DST: variants seen among roughly 807,000 people sequenced by gnomAD.
DST encodes the protein bullous pemphigoid antigen.
In DST, 253 loss-of-function variants were observed where a neutral mutation model predicts 875.2. That is an observed-to-expected ratio of 0.29 (90% CI 0.26 to 0.32). The LOEUF (loss-of-function observed/expected upper bound fraction) is 0.32, where lower values mean the gene tolerates loss of function less well. Among genes scored for constraint, DST ranks in the 10% least tolerant of loss-of-function variants. The probability of loss-of-function intolerance (pLI) is 1.00; values close to 1 mark genes in which losing one functional copy is unlikely to be tolerated. For missense variants in DST, 8,287 were observed against 9,111.6 expected, an observed-to-expected ratio of 0.91 and a Z score of 3.68; for synonymous variants, 3,124 against 3,197.1, an observed-to-expected ratio of 0.98 and a Z score of 0.77.
chr6:56,926,993 A>G (rs1807541282), intron 2 of DST, among the ~76,000 whole-genome samples: 1 of 152,226 alleles, frequency 6.6e-6, no homozygotes, highest in East Asian at 1.9e-4. Flanking sequence ...TTCAGCAGAG[A>G]CTGGCAACAG....
chr6:56,552,450 T>C lies in DST; in HGVS notation c.16342A>G (p.Met5448Val), dbSNP rs202185251. 62 of 1,614,046 alleles carry C rather than the reference T, an allele frequency of 3.8e-5. No individual in the cohort carries two copies. In the African/African-American group the frequency reaches 7.5e-4, roughly 19 times the overall value. The change falls in exon 61 of 104, where the codon ATG (methionine) becomes GTG (valine). Residue 5448 changes from methionine to valine, a missense_variant. Transcript: ENST00000680361. Reference sequence around the variant, plus strand: ...GAGGTTTCTTCTGTGGCTAACATCATCTTGCAGGTTTTATTGGCATTGTCA... The same window carrying C: ...GAGGTTTCTTCTGTGGCTAACATCACCTTGCAGGTTTTATTGGCATTGTCA... The part of the protein sequence containing the change: ...SNDNANKTCK[M>V]MLATEETSPD...
rs772606587 is a variant in DST at position 56,464,673 on chromosome 6, G to C, written c.22759+12C>G. 6.4e-7 allele frequency: 1 copy of C among 1,573,958 alleles called. No homozygotes were observed. The highest frequency in any genetic ancestry group is 1.3e-5 in the African/African-American group (1 of 74,358). ...AGGAAAGAGGGGAGAGGCAAAGAGA[G>C]AGGTTGCCAACCTATAGTAGGCTGA... is the stretch of plus-strand genomic sequence containing the variant. On this transcript the variant is annotated intron_variant, in intron 100 of 103. Coordinates refer to ENST00000680361, the MANE Select transcript of DST (RefSeq NM_001374736.1).
intron 53 of DST, among the ~76,000 whole-genome samples, chr6:56,571,676 T>C (rs1313405090): frequency 1.3e-5 from 2 of 152,192 alleles, no homozygotes; most frequent in African/African-American, 2.4e-5. Flanking sequence ...TAAACTATTA[T>C]ATTAAAAAGG....
chr6:56,772,865 C>G (rs1447078550), intron 4 of DST, among the ~76,000 whole-genome samples: 2 of 152,180 alleles, frequency 1.3e-5, no homozygotes, highest in African/African-American at 4.8e-5. Context: ...GTCATTGTGA[C>G]CAACTGTATA....
chr6:56,618,856 C>CT lies in DST; in HGVS notation c.4930-4373dup, dbSNP rs759006806. The CT allele has an allele frequency of 6.2e-7, 1 of 1,614,144 alleles. No individual in the cohort carries two copies. Among genetic ancestry groups the CT allele is most frequent in the Admixed American group, 1.7e-5 (1 of 60,030 alleles). ...TGTGGGTCATCTGCTCCTCTATGGT[C>CT]TTTAAGTGTAATTCGTCTTGTACTT... On this transcript the variant is annotated intron_variant, in intron 36 of 103. Coordinates refer to ENST00000680361, the MANE Select transcript of DST (RefSeq NM_001374736.1).
intron 71 of DST, among the ~76,000 whole-genome samples, chr6:56,516,585 A>G (rs1314985265): frequency 6.6e-6 from 1 of 152,046 alleles, no homozygotes; most frequent in Non-Finnish European, 1.5e-5. Flanking sequence ...TTTGCCATGC[A>G]TGGGATATCT....
In DST at chr6:56,497,477, A is replaced by G; in HGVS notation, c.20125T>C (p.Leu6709=). Residue 6709 remains leucine, a synonymous_variant, in exon 82 of 104, where the codon TTG becomes CTG. Transcript: ENST00000680361. ...AKGFHGEIED[L]QQWLTDTERH... is the part of the protein sequence containing the mutation. Reference sequence around the variant, plus strand: ...TCCGTGTCAGTCAGCCACTGCTGCAAATCCTCAATTTCGCCATGGAACCCT... The same window carrying G: ...TCCGTGTCAGTCAGCCACTGCTGCAGATCCTCAATTTCGCCATGGAACCCT... 1 of 1,613,104 alleles carries G rather than the reference A, an allele frequency of 6.2e-7. No homozygotes were observed. The highest frequency in any genetic ancestry group is 1.7e-5 in the Admixed American group (1 of 59,892).
At chr6:56,652,722 A>G (rs2098983571) in intron 10 of DST, among the ~76,000 whole-genome samples, 2 of 152,232 alleles carry the variant, frequency 1.3e-5, no homozygotes, top group Non-Finnish European at 1.5e-5. Context: ...GAATGTGGTT[A>G]CCATCACCTA....
In DST at chr6:56,746,206, C is replaced by T. The variant is rs370094676; in HGVS notation, c.626-10917G>A. On this transcript the variant is annotated intron_variant, in intron 4 of 103. Coordinates refer to ENST00000680361, the MANE Select transcript of DST (RefSeq NM_001374736.1). ...CCCTTTTTTTGTCCAGACCGGTCTCCAACTCCTGGCCTCAAGCAATCTTTT... is the reference window on the plus strand; with the variant it reads ...CCCTTTTTTTGTCCAGACCGGTCTCTAACTCCTGGCCTCAAGCAATCTTTT... 3.8e-4 allele frequency among the ~76,000 whole-genome samples: 58 copies of T among 152,072 alleles called. No individual in the cohort carries two copies. The South Asian group carries it at 0.012, about 32-fold the overall frequency.
At chr6:56,884,973 G>A (rs905232873) in intron 3 of DST, among the ~76,000 whole-genome samples, 6 of 151,990 alleles carry the variant, frequency 3.9e-5, no homozygotes, top group South Asian at 2.1e-4. Flanking sequence ...CTCATGATCC[G>A]CCCACCTCGG....
At chr6:56,930,935 T>C (rs576438451) in intron 2 of DST, among the ~76,000 whole-genome samples, 4 of 152,290 alleles carry the variant, frequency 2.6e-5, no homozygotes, top group South Asian at 4.1e-4. Context: ...TAATATACAA[T>C]GTGAAAGAGA....
intron 3 of DST, among the ~76,000 whole-genome samples, chr6:56,859,776 A>C (rs957398802): frequency 6.6e-6 from 1 of 152,194 alleles, no homozygotes; most frequent in Non-Finnish European, 1.5e-5. Flanking sequence ...TTAAATATCA[A>C]TCATCTTATC....
At chr6:56,908,947 T>C (rs1797694781) in intron 2 of DST, among the ~76,000 whole-genome samples, 1 of 152,272 alleles carries the variant, frequency 6.6e-6, no homozygotes, top group East Asian at 1.9e-4. Context: ...GAAATAAGCA[T>C]AAAAATGTGT....
intron 10 of DST, among the ~76,000 whole-genome samples, chr6:56,651,799 C>G (rs756761418): frequency 2.6e-5 from 4 of 152,206 alleles, no homozygotes; most frequent in African/African-American, 4.8e-5. Context: ...ATACTTCCAG[C>G]CTGCACCCCA....
chr6:56,820,282 A>C (rs553723275), intron 4 of DST, among the ~76,000 whole-genome samples: 35 of 152,350 alleles, frequency 2.3e-4, no homozygotes, highest in African/African-American at 8.4e-4. Flanking sequence ...CTTGGAAGGC[A>C]GTGTACATGT....
At chr6:56,521,285 A>G (rs1312874477) in intron 69 of DST, among the ~76,000 whole-genome samples, 1 of 151,994 alleles carries the variant, frequency 6.6e-6, no homozygotes, top group Non-Finnish European at 1.5e-5. Context: ...ACCTGAGTGT[A>G]AATACTGCAA....
At chr6:56,588,168 G>C (rs1210557876) in intron 49 of DST, among the ~76,000 whole-genome samples, 3 of 152,140 alleles carry the variant, frequency 2.0e-5, no homozygotes, top group Admixed American at 6.5e-5. Context: ...AGTCTCCCTT[G>C]ACAAAAAGGC....
intron 4 of DST, chr6:56,742,352 T>C: frequency 7.8e-7 from 1 of 1,289,772 alleles, no homozygotes; most frequent in South Asian, 1.2e-5. Context: ...CTGCAGGAAA[T>C]CTGTGCAGCA....
At chr6:56,521,389 T>C (rs1202264254) in intron 69 of DST, among the ~76,000 whole-genome samples, 1 of 151,864 alleles carries the variant, frequency 6.6e-6, no homozygotes, top group Non-Finnish European at 1.5e-5. Context: ...CTTGTTTGTG[T>C]TCAGCCTGAC....
Sources: allele counts gnomAD v4.1 joint callset (sites outside exome capture counted in the v4.1 genomes callset), GRCh38; gene constraint gnomAD v4.1.1; transcripts MANE v1.5; gene names NCBI Gene and HGNC (gene_info 2026-07-23, HGNC 2026-07-21).